The following SH3PXD2B variants were observed in gnomAD, a reference collection of about 807,000 sequenced individuals.
SH3PXD2B encodes SH3 and PX domain-containing protein 2B.
In SH3PXD2B, 37 loss-of-function variants were observed where a neutral mutation model predicts 73.1. That is an observed-to-expected ratio of 0.51 (90% CI 0.39 to 0.67). The LOEUF is 0.67. Ranked by LOEUF, SH3PXD2B falls within the 30% of genes least tolerant of loss-of-function variation. The pLI is 0.00. For synonymous variants in SH3PXD2B, 457 were observed against 480.5 expected (o/e 0.95, Z 0.64); for missense variants, 1,053 against 1,197.8 (o/e 0.88, Z 1.78).
intron 1 of SH3PXD2B, among the ~76,000 whole-genome samples, chr5:172,432,689 G>A (rs1759276685): frequency 6.6e-6 from 1 of 152,142 alleles, no homozygotes; most frequent in African/African-American, 2.4e-5. Flanking sequence ...GGCCGAGGCA[G>A]ATGGATCACC....
rs1561886945 is a variant in SH3PXD2B at position 172,334,174 on chromosome 5, A to C, written c.*4195T>G. Reference sequence around the variant, plus strand: ...ATGTTGAAACATGAGGAGGAGCTCGATAACTTGGCAGAATAGCACCAGAAA... The same window carrying C: ...ATGTTGAAACATGAGGAGGAGCTCGCTAACTTGGCAGAATAGCACCAGAAA... On this transcript the variant is annotated 3_prime_UTR_variant, in exon 13 of 13. Coordinates refer to ENST00000311601, the MANE Select transcript of SH3PXD2B (RefSeq NM_001017995.3). The C allele has an allele frequency of 1.8e-6, 2 of 1,108,672 alleles. No homozygotes were observed. Among genetic ancestry groups the C allele is most frequent in the African/African-American group, 3.4e-5 (2 of 58,400 alleles). The allele number at this position is 1,108,672 out of a possible 1,614,324, so 68.7% of individuals were successfully genotyped here. A position where few individuals can be genotyped will look rare whatever the true frequency, so the allele number is the denominator to read the frequency against.
At position 172,353,833 on chromosome 5, in the gene SH3PXD2B, C is replaced by T; in HGVS notation, c.785+55G>A. 14 of 1,443,146 alleles carry T rather than the reference C, an allele frequency of 9.7e-6. No homozygotes were observed. Among genetic ancestry groups the T allele is most frequent in the Middle Eastern group, 2.3e-4 (1 of 4,336 alleles). 89.4% of individuals were successfully genotyped at this position (1,443,146 alleles called of 1,614,324 possible). ...GGCCAGAGTCCCTGTGACCCCAAAC[C>T]CACCCAGCGTGACCCCAAACCCACC... On this transcript the variant is annotated intron_variant, in intron 9 of 12. Transcript: ENST00000311601. The surrounding 1 kb of genome is among the most constrained non-coding windows in gnomAD (Gnocchi z 4.3).
In SH3PXD2B at chr5:172,339,503, C is replaced by T. The variant is rs144228973; in HGVS notation, c.1602G>A (p.Gly534=). 6.6e-4 allele frequency: 1,060 copies of T among 1,613,992 alleles called. 1 individual carries two copies. The highest frequency in any genetic ancestry group is 8.5e-4 in the Non-Finnish European group (998 of 1,179,932). ...GCTCCCGCTCCCGCTCCAGCAGCTC[C>T]CCCTCCGACTTGATGATGGATTCTT... is the stretch of plus-strand genomic sequence containing the variant. ...PRKESIIKSE[G]ELLERERERQ... Residue 534 remains glycine, a synonymous_variant, in exon 13 of 13, where the codon GGG becomes GGA. Coordinates refer to ENST00000311601, the MANE Select transcript of SH3PXD2B (RefSeq NM_001017995.3). This position sits in a 1 kb window ranked among gnomAD's most constrained non-coding sequence, Gnocchi z 6.1.
intron 4 of SH3PXD2B, among the ~76,000 whole-genome samples, chr5:172,389,873 C>T (rs765680471): frequency 1.3e-5 from 2 of 152,134 alleles, no homozygotes; most frequent in Non-Finnish European, 2.9e-5. Context: ...CCCCACACTG[C>T]CCCCTTCTGT....
chr5:172,444,337 G>A (rs1007841952), intron 1 of SH3PXD2B, among the ~76,000 whole-genome samples: 6 of 152,164 alleles, frequency 3.9e-5, no homozygotes, highest in Non-Finnish European at 8.8e-5. Flanking sequence ...TGGGTGCTGA[G>A]CTTTCCCCCT....
chr5:172,332,671 G>T (rs992695737), downstream of SH3PXD2B, among the ~76,000 whole-genome samples: 9 of 152,118 alleles, frequency 5.9e-5, no homozygotes, highest in Non-Finnish European at 2.9e-5. Flanking sequence ...CATGAATATT[G>T]CATGTATATC....
intron 4 of SH3PXD2B, among the ~76,000 whole-genome samples, chr5:172,384,507 A>C (rs1758015983): frequency 6.6e-6 from 1 of 152,148 alleles, no homozygotes; most frequent in Admixed American, 6.5e-5. Flanking sequence ...TACCCATTAA[A>C]CAACAACTAC....
At chr5:172,418,336 G>C (rs1561932223) in intron 2 of SH3PXD2B, among the ~76,000 whole-genome samples, 1 of 152,226 alleles carries the variant, frequency 6.6e-6, no homozygotes, top group African/African-American at 2.4e-5. Flanking sequence ...TCACCAATGA[G>C]GGCTCTCAGG....
rs760709339 is a variant in SH3PXD2B at position 172,382,162 on chromosome 5, G to T, written c.310-35C>A. 2.6e-6 allele frequency: 4 copies of T among 1,540,708 alleles called. No homozygotes were observed. The African/African-American group carries it at 5.4e-5, about 21-fold the overall frequency. ...AGAGACGCAGGTGAGTGCAAAGGAG[G>T]AGAGGGGGCTGAGCATGGTGGCACG... On this transcript the variant is annotated intron_variant, in intron 4 of 12. Coordinates refer to ENST00000311601, the MANE Select transcript of SH3PXD2B (RefSeq NM_001017995.3).
At chr5:172,449,119 C>T (rs1351095478) in intron 1 of SH3PXD2B, among the ~76,000 whole-genome samples, 1 of 152,166 alleles carries the variant, frequency 6.6e-6, no homozygotes, top group East Asian at 1.9e-4. Context: ...TCAGGGCTGG[C>T]AGTACAGAGC....
chr5:172,376,412 T>C (rs1013587492), intron 5 of SH3PXD2B, among the ~76,000 whole-genome samples: 8 of 152,236 alleles, frequency 5.3e-5, no homozygotes, highest in Admixed American at 1.3e-4. Flanking sequence ...TTGCATTTCC[T>C]GATGGATAAT....
chr5:172,345,847 C>T (rs1030085893), intron 12 of SH3PXD2B, among the ~76,000 whole-genome samples: 3 of 152,090 alleles, frequency 2.0e-5, no homozygotes, highest in African/African-American at 4.8e-5. Context: ...TTGGTGGCTG[C>T]CTAGGGGCTG....
In SH3PXD2B at chr5:172,353,476, G is replaced by T. The variant is rs1015730233; in HGVS notation, c.785+412C>A. On this transcript the variant is annotated intron_variant, in intron 9 of 12. Transcript: ENST00000311601. This position sits in a 1 kb window ranked among gnomAD's most constrained non-coding sequence, Gnocchi z 4.3. ...TTTACCATTGGACTTTGAGAGACGA[G>T]GGCAGATTATCAGCCTAGGACGAAT... Among the ~76,000 whole-genome samples, 1 of 152,314 alleles carries T rather than the reference G, an allele frequency of 6.6e-6. No homozygotes were observed. Among genetic ancestry groups the T allele is most frequent in the African/African-American group, 2.4e-5 (1 of 41,580 alleles).
chr5:172,420,199 CTTTG>C (rs944190691), intron 2 of SH3PXD2B, among the ~76,000 whole-genome samples: 2 of 152,192 alleles, frequency 1.3e-5, no homozygotes, highest in South Asian at 4.1e-4. Flanking sequence ...CTTATAGCTG[CTTTG>C]TTTATTTACA....
rs1047962634 is a variant in SH3PXD2B at position 172,454,404 on chromosome 5, T to C, written c.-52A>G. 2 of 1,180,502 alleles carry C rather than the reference T, an allele frequency of 1.7e-6. No individual in the cohort carries two copies. The highest frequency in any genetic ancestry group is 7.3e-5 in the East Asian group (2 of 27,236). The allele number at this position is 1,180,502 out of a possible 1,614,324, so 73.1% of individuals were successfully genotyped here. On this transcript the variant is annotated 5_prime_UTR_variant, in exon 1 of 13. Transcript: ENST00000311601. Reference sequence around the variant, plus strand: ...GAGCGCGGGTGCGGGTGGCGCGGGGTGCAGGGAGCGCTGGGGGCGCGCCGC... The same window carrying C: ...GAGCGCGGGTGCGGGTGGCGCGGGGCGCAGGGAGCGCTGGGGGCGCGCCGC...
At chr5:172,325,315 T>C (rs1756427431) in exon 13 of SH3PXD2B, 1 of 1,535,628 alleles carries the variant, frequency 6.5e-7, no homozygotes, top group South Asian at 1.2e-5. Flanking sequence ...TCCCAAGTGC[T>C]GTCCGCATCT....
At chr5:172,406,243 A>G (rs773654298) in intron 3 of SH3PXD2B, 34 bp downstream of exon 3, 1 of 1,608,892 alleles carries the variant, frequency 6.2e-7, no homozygotes, top group Non-Finnish European at 8.5e-7. Flanking sequence ...CAGAGCCCCC[A>G]GTGTCCCAGT....
chr5:172,397,754 C>A (rs896353334), intron 3 of SH3PXD2B, among the ~76,000 whole-genome samples: 2 of 152,182 alleles, frequency 1.3e-5, no homozygotes, highest in Admixed American at 6.5e-5. Flanking sequence ...TAGAGATTTA[C>A]TGGCACAATG....
rs953962482 is a variant in SH3PXD2B at position 172,336,706 on chromosome 5, G to A, written c.*1663C>T. On this transcript the variant is annotated 3_prime_UTR_variant, in exon 13 of 13. Coordinates refer to ENST00000311601, the MANE Select transcript of SH3PXD2B (RefSeq NM_001017995.3). ...GGGGCAGGGCAGGGTGGGGAGGGGCGGGGCAGGGCAGGGCAGGGCTGCCTC... is the reference window on the plus strand; with the variant it reads ...GGGGCAGGGCAGGGTGGGGAGGGGCAGGGCAGGGCAGGGCAGGGCTGCCTC... The A allele has an allele frequency of 1.8e-5, 18 of 983,684 alleles. No individual in the cohort carries two copies. Among genetic ancestry groups the A allele is most frequent in the African/African-American group, 7.0e-5 (4 of 57,146 alleles). 60.9% of individuals were successfully genotyped at this position (983,684 alleles called of 1,614,324 possible). A position where few individuals can be genotyped will look rare whatever the true frequency, so the allele number is the denominator to read the frequency against.
Sources: gnomAD v4.1 joint callset for allele counts (sites outside exome capture counted in the v4.1 genomes callset) on GRCh38, gnomAD v4.1.1 for gene constraint, Gnocchi (gnomAD v3.1) non-coding constraint, MANE v1.5 for transcripts, NCBI Gene and HGNC (gene_info 2026-07-23, HGNC 2026-07-21) for gene names.